The following SUFU variants were observed in gnomAD, a reference collection of about 807,000 sequenced individuals.
SUFU encodes suppressor of fused homolog.
A neutral mutation model predicts 58.9 loss-of-function variants in SUFU; 7 were observed. That is an observed-to-expected ratio of 0.12 (90% confidence interval 0.07 to 0.22). SUFU has a LOEUF of 0.22. Among genes scored for constraint, SUFU ranks in the 10% least tolerant of loss-of-function variants. The pLI is 1.00. For missense variants in SUFU, 451 were observed against 641.3 expected (o/e 0.70, Z 3.20); for synonymous variants, 232 against 254.8 (o/e 0.91, Z 0.85).
At chr10:102,536,662 T>TGG (rs2062743986) in intron 2 of SUFU, among the ~76,000 whole-genome samples, 1 of 151,956 alleles carries the variant, frequency 6.6e-6, no homozygotes, top group Non-Finnish European at 1.5e-5. Flanking sequence ...ATGCCTGGCC[T>TGG]GCATTTTCTT....
intron 3 of SUFU, among the ~76,000 whole-genome samples, chr10:102,559,112 G>T (rs150740102): frequency 1.3e-5 from 2 of 152,100 alleles, no homozygotes; most frequent in South Asian, 4.1e-4. Context: ...TGATCCTAGC[G>T]TCCTGATCAC....
At chr10:102,516,125 C>CTTTTTTTTTTTTTT (rs60544094) in intron 2 of SUFU, among the ~76,000 whole-genome samples, 4 of 125,586 alleles carry the variant, frequency 3.2e-5, no homozygotes, top group Non-Finnish European at 6.6e-5. Flanking sequence ...TCTTTCTTTT[C>CTTTTTTTTTTTTTT]TTTTTTTTTT....
chr10:102,543,851 T>G (rs777937977), intron 2 of SUFU, among the ~76,000 whole-genome samples: 1 of 152,242 alleles, frequency 6.6e-6, no homozygotes, highest in Non-Finnish European at 1.5e-5. Context: ...CAGTTACTGT[T>G]ATTATCCCCA....
chr10:102,546,100 GGTC>G (rs2062851941), intron 2 of SUFU, among the ~76,000 whole-genome samples: 1 of 152,204 alleles, frequency 6.6e-6, no homozygotes, highest in Non-Finnish European at 1.5e-5. Flanking sequence ...GAGTTCTGAT[GGTC>G]AGGCTGTTGT....
In SUFU at chr10:102,630,860, G is replaced by A. The variant is rs1039329440; in HGVS notation, c.*705G>A. 17 of 236,548 alleles carry A rather than the reference G, an allele frequency of 7.2e-5. No homozygotes were observed. Among genetic ancestry groups the A allele is most frequent in the Middle Eastern group, 1.3e-3 (1 of 792 alleles). The allele number at this position is 236,548 out of a possible 1,614,324, so 14.7% of individuals were successfully genotyped here. ...GCCAGCCCAGAGCCCTGGAGGAGCCGGCTGCACAGAGAGGCTTTTCTTCCC... is the reference window on the plus strand; with the variant it reads ...GCCAGCCCAGAGCCCTGGAGGAGCCAGCTGCACAGAGAGGCTTTTCTTCCC... On this transcript the variant is annotated 3_prime_UTR_variant, in exon 12 of 12. Transcript: ENST00000369902.
rs777481865 is a variant in SUFU, at chr10:102,564,287, C to G, written c.454+14181C>G. On this transcript the variant is annotated intron_variant, in intron 3 of 11. Coordinates refer to ENST00000369902, the MANE Select transcript of SUFU (RefSeq NM_016169.4). The stretch of plus-strand genomic sequence containing the variant: ...CTTAATATCTTTTCCTCAGGTAAAG[C>G]TTTCTGGAAAGAGGTGCTCCATCAT... Among the ~76,000 whole-genome samples the G allele has an allele frequency of 5.3e-5, 8 of 152,290 alleles. No individual in the cohort carries two copies. In the South Asian group the frequency reaches 6.2e-4, roughly 12 times the overall value.
intron 1 of SUFU, among the ~76,000 whole-genome samples, chr10:102,504,595 G>A (rs1046469918): frequency 1.3e-5 from 2 of 151,174 alleles, no homozygotes; most frequent in African/African-American, 2.4e-5. Flanking sequence ...AGGAGCAGAG[G>A]GGGGAACGGC....
intron 11 of SUFU, among the ~76,000 whole-genome samples, chr10:102,627,934 G>A (rs1050139741): frequency 1.7e-4 from 26 of 152,088 alleles, no homozygotes; most frequent in Non-Finnish European, 8.8e-5. Context: ...CCCCTCCCCC[G>A]CTCCTGCCCG....
rs1266733014 is a variant in SUFU at position 102,632,133 on chromosome 10, C to G, written c.*1978C>G. 1 of 233,310 alleles carries G rather than the reference C, an allele frequency of 4.3e-6. No individual in the cohort carries two copies. Among genetic ancestry groups the G allele is most frequent in the African/African-American group, 2.2e-5 (1 of 45,352 alleles). 14.5% of individuals were successfully genotyped at this position (233,310 alleles called of 1,614,324 possible). A position where few individuals can be genotyped will look rare whatever the true frequency, so the allele number is the denominator to read the frequency against. On this transcript the variant is annotated 3_prime_UTR_variant, in exon 12 of 12. Coordinates refer to ENST00000369902, the MANE Select transcript of SUFU (RefSeq NM_016169.4). ...CTCCCTGCTGCAGTTCGCCGTACTT[C>G]CATCTGCTGGGTGCCTCCATCGTTG...
intron 8 of SUFU, among the ~76,000 whole-genome samples, chr10:102,601,579 G>A (rs2063515533): frequency 6.6e-6 from 1 of 152,152 alleles, no homozygotes. Context: ...GTCAGTATTG[G>A]TTACCAATTT....
At chr10:102,515,798 A>G (rs1011470761) in intron 2 of SUFU, among the ~76,000 whole-genome samples, 3 of 152,126 alleles carry the variant, frequency 2.0e-5, no homozygotes, top group African/African-American at 7.2e-5. Flanking sequence ...TTAGCAGGCT[A>G]AAAGAAGTGT....
chr10:102,586,803 T>TA (rs1399833287), intron 3 of SUFU, among the ~76,000 whole-genome samples: 3 of 152,256 alleles, frequency 2.0e-5, no homozygotes, highest in Admixed American at 1.3e-4. Flanking sequence ...CATCCATCTC[T>TA]AGAAGTTTTT....
chr10:102,608,293 A>G (rs1295647192), intron 8 of SUFU, among the ~76,000 whole-genome samples: 1 of 152,170 alleles, frequency 6.6e-6, no homozygotes, highest in Non-Finnish European at 1.5e-5. Context: ...GTCTCCGAGG[A>G]GGGGAGCATG....
rs2062462155 is a variant in SUFU, at chr10:102,515,856, G to A, written c.317+6553G>A. Among the ~76,000 whole-genome samples the A allele has an allele frequency of 2.0e-5, 3 of 152,254 alleles. No homozygotes were observed. In the East Asian group the frequency reaches 5.8e-4, roughly 29 times the overall value. Reference sequence around the variant, plus strand: ...CACCTCCCTGAAGCCTGGTCCCTCTGCCTTTCCTCTCAGGGATGTTCAGTG... The same window carrying A: ...CACCTCCCTGAAGCCTGGTCCCTCTACCTTTCCTCTCAGGGATGTTCAGTG... On this transcript the variant is annotated intron_variant, in intron 2 of 11. Coordinates refer to ENST00000369902, the MANE Select transcript of SUFU (RefSeq NM_016169.4).
chr10:102,504,962 TC>T (rs2062306548), intron 1 of SUFU, among the ~76,000 whole-genome samples: 2 of 152,158 alleles, frequency 1.3e-5, no homozygotes, highest in Non-Finnish European at 2.9e-5. Context: ...GAGCAGCTCT[TC>T]CTGATAAACT....
At chr10:102,550,214 G>A in intron 3 of SUFU, 108 bp downstream of exon 3, 1 of 1,507,782 alleles carries the variant, frequency 6.6e-7, no homozygotes, top group Non-Finnish European at 9.0e-7. Context: ...TTTCCTGGGA[G>A]TACTATGCCC....
At chr10:102,606,756 A>T (rs2063565736) in intron 8 of SUFU, among the ~76,000 whole-genome samples, 1 of 152,164 alleles carries the variant, frequency 6.6e-6, no homozygotes, top group Non-Finnish European at 1.5e-5. Context: ...CATTTAGCTG[A>T]GAGAGGCATA....
chr10:102,544,517 A>G (rs1243018693), intron 2 of SUFU, among the ~76,000 whole-genome samples: 1 of 152,160 alleles, frequency 6.6e-6, no homozygotes, highest in Non-Finnish European at 1.5e-5. Flanking sequence ...CCTGGCCAAC[A>G]TGGTGAAACC....
intron 3 of SUFU, among the ~76,000 whole-genome samples, chr10:102,581,877 A>T (rs530637322): frequency 6.6e-6 from 1 of 152,088 alleles, no homozygotes; most frequent in Non-Finnish European, 1.5e-5. Flanking sequence ...TTTTTTCTTG[A>T]GAGATTATGA....
Sources: gnomAD v4.1 joint callset for allele counts (sites outside exome capture counted in the v4.1 genomes callset) on GRCh38, gnomAD v4.1.1 for gene constraint, MANE v1.5 for transcripts, NCBI Gene and HGNC (gene_info 2026-07-23, HGNC 2026-07-21) for gene names.